PTPRQ: variants seen among roughly 807,000 people sequenced by gnomAD.
PTPRQ encodes the protein phosphatidylinositol phosphatase PTPRQ.
Under a neutral mutation model 246.0 loss-of-function variants are expected in PTPRQ, and 199 were observed. That is an observed-to-expected ratio of 0.81 (90% CI 0.72 to 0.91). The LOEUF (loss-of-function observed/expected upper bound fraction) is 0.91. Among genes scored for constraint, PTPRQ ranks in the 40% least tolerant of loss-of-function variants. The probability of loss-of-function intolerance (pLI) is 0.00; values close to 1 mark genes in which losing one functional copy is unlikely to be tolerated. For synonymous variants in PTPRQ, 869 were observed against 853.2 expected (o/e 1.02, Z -0.32); for missense variants, 2,624 against 2,528.4 (o/e 1.04, Z -0.81).
chr12:80,624,718 T>C (rs1899130792), intron 33 of PTPRQ, among the ~76,000 whole-genome samples: 1 of 152,154 alleles, frequency 6.6e-6, no homozygotes, highest in Admixed American at 6.6e-5. Context: ...TTAGAGTCAC[T>C]TTCATAGGTC....
intron 39 of PTPRQ, among the ~76,000 whole-genome samples, chr12:80,663,531 C>G (rs1371090604): frequency 1.1e-4 from 17 of 151,988 alleles, no homozygotes; most frequent in Non-Finnish European, 2.5e-4. Context: ...GCATAGGACA[C>G]ACCATTGCTC....
chr12:80,546,734 T>C (rs1290530700), intron 24 of PTPRQ, 37 bp downstream of exon 24: 1 of 1,538,854 alleles, frequency 6.5e-7, no homozygotes, highest in Non-Finnish European at 8.8e-7. Flanking sequence ...TGTTTCTTTT[T>C]ATATTTAACA....
At chr12:80,479,166 A>G (rs1054840930) in intron 8 of PTPRQ, among the ~76,000 whole-genome samples, 16 of 151,926 alleles carry the variant, frequency 1.1e-4, no homozygotes, top group Admixed American at 9.9e-4. Context: ...CATCAGACTA[A>G]CAGCAGATCT....
At chr12:80,598,291 C>G (rs1407874778) in intron 26 of PTPRQ, among the ~76,000 whole-genome samples, 2 of 152,000 alleles carry the variant, frequency 1.3e-5, no homozygotes, top group East Asian at 3.9e-4. Context: ...ATTTCCTACA[C>G]TGACAGTGGT....
intron 34 of PTPRQ, among the ~76,000 whole-genome samples, chr12:80,633,499 C>T (rs1008049680): frequency 3.9e-5 from 6 of 152,138 alleles, no homozygotes; most frequent in South Asian, 2.1e-4. Flanking sequence ...GGCAGATTGC[C>T]GAGTTAAAGG....
intron 3 of PTPRQ, among the ~76,000 whole-genome samples, chr12:80,452,970 T>A (rs1892823567): frequency 6.6e-6 from 1 of 152,250 alleles, no homozygotes; most frequent in Admixed American, 6.5e-5. Context: ...TTTTCCAACT[T>A]GGTTTCATTC....
chr12:80,609,183 T>A (rs978426180), intron 27 of PTPRQ, among the ~76,000 whole-genome samples: 3 of 150,434 alleles, frequency 2.0e-5, no homozygotes, highest in Non-Finnish European at 4.5e-5. Context: ...TAAAAAAAAA[T>A]TGAGTTAATT....
chr12:80,508,482 G>A (rs1895030288), intron 16 of PTPRQ, among the ~76,000 whole-genome samples: 1 of 151,992 alleles, frequency 6.6e-6, no homozygotes, highest in Non-Finnish European at 1.5e-5. Context: ...AATGAATAAA[G>A]AGGGAGGGTG....
chr12:80,467,302 A>G (rs1051559655), intron 6 of PTPRQ, among the ~76,000 whole-genome samples: 83 of 152,248 alleles, frequency 5.5e-4, no homozygotes, highest in Non-Finnish European at 1.0e-3. Flanking sequence ...CAAAACCACA[A>G]TGAGATACCA....
chr12:80,670,306 A>G, intron 41 of PTPRQ, 38 bp from the exon 42 acceptor site: 1 of 1,543,236 alleles, frequency 6.5e-7, no homozygotes, highest in Non-Finnish European at 8.7e-7. Context: ...GTGGAACTTA[A>G]ATAATTTTGT....
chr12:80,574,672 AT>A (rs1278421589), intron 25 of PTPRQ, among the ~76,000 whole-genome samples: 1 of 152,128 alleles, frequency 6.6e-6, no homozygotes, highest in African/African-American at 2.4e-5. Context: ...AAATACATGA[AT>A]TTTGCAGAAG....
chr12:80,454,520 G>T (rs1171404934), intron 3 of PTPRQ: 6 of 702,364 alleles, frequency 8.5e-6, no homozygotes, highest in Non-Finnish European at 1.6e-5. Context: ...TAGGATTGGT[G>T]AGAGTAGACA....
intron 41 of PTPRQ, 73 bp from the exon 42 acceptor site, chr12:80,670,271 G>A: frequency 6.6e-7 from 1 of 1,516,892 alleles, no homozygotes; most frequent in Admixed American, 2.3e-5. Context: ...TTCAAAAACT[G>A]GGACTATTGC....
intron 7 of PTPRQ, among the ~76,000 whole-genome samples, chr12:80,471,487 T>TA: frequency 2.5e-5 from 1 of 40,558 alleles, no homozygotes; most frequent in African/African-American, 9.4e-5. Flanking sequence ...TTTTTTTTTT[T>TA]TTTTATTTGA....
At chr12:80,613,479 G>T in intron 28 of PTPRQ, 113 bp from the exon 29 acceptor site, 1 of 1,142,316 alleles carries the variant, frequency 8.8e-7, no homozygotes, top group Non-Finnish European at 1.2e-6. Context: ...AGTTTATATG[G>T]TTTAATTTGT....
intron 43 of PTPRQ, among the ~76,000 whole-genome samples, chr12:80,676,365 G>A (rs1870221696): frequency 6.6e-6 from 1 of 152,168 alleles, no homozygotes; most frequent in African/African-American, 2.4e-5. Context: ...ACTGGGCACT[G>A]GGTGCGGTGG....
intron 9 of PTPRQ, among the ~76,000 whole-genome samples, chr12:80,487,100 T>C (rs1291714964): frequency 3.9e-5 from 6 of 152,154 alleles, no homozygotes; most frequent in Non-Finnish European, 5.9e-5. Context: ...CTGCTTCCTA[T>C]TTGTCTGACT....
intron 38 of PTPRQ, 33 bp downstream of exon 38, chr12:80,652,867 G>T: frequency 7.0e-7 from 1 of 1,430,064 alleles, no homozygotes; most frequent in Non-Finnish European, 9.1e-7. Context: ...GTTTAGCTAG[G>T]AAATATTTTT....
intron 35 of PTPRQ, among the ~76,000 whole-genome samples, chr12:80,635,292 A>G (rs1299715086): frequency 6.6e-6 from 1 of 152,228 alleles, no homozygotes; most frequent in Non-Finnish European, 1.5e-5. Flanking sequence ...ACTTTGGACT[A>G]TAATGTTCAA....
Sources: allele counts gnomAD v4.1 joint callset (sites outside exome capture counted in the v4.1 genomes callset), GRCh38; gene constraint gnomAD v4.1.1; transcripts MANE v1.5; gene names NCBI Gene and HGNC (gene_info 2026-07-23, HGNC 2026-07-21).